Variants in CFAP299 observed in about 807,000 individuals in gnomAD.
The protein encoded by CFAP299 is cilia- and flagella-associated protein 299.
A neutral mutation model predicts 27.0 loss-of-function variants in CFAP299; 21 were observed. The observed-to-expected ratio is 0.78, with a 90% CI of 0.55 to 1.12. The LOEUF is 1.12. Among genes scored for constraint, CFAP299 ranks in the 50% most tolerant of loss-of-function variants. The pLI is 0.00. For synonymous variants in CFAP299, 104 were observed against 98.1 expected, an observed-to-expected ratio of 1.06 and a Z score of -0.36; for missense variants, 310 against 276.6, an observed-to-expected ratio of 1.12 and a Z score of -0.86.
chr4:80,894,086 G>A (rs752458093), intron 4 of CFAP299, among the ~76,000 whole-genome samples: 30 of 151,850 alleles, frequency 2.0e-4, no homozygotes, highest in South Asian at 4.2e-4. Context: ...AAAAGAAGAC[G>A]TACATATGGC....
chr4:80,466,524 GA>G (rs1729706572), intron 2 of CFAP299, among the ~76,000 whole-genome samples: 1 of 152,116 alleles, frequency 6.6e-6, no homozygotes, highest in Non-Finnish European at 1.5e-5. Context: ...CATTTAACCT[GA>G]GGGCTTAGTT....
chr4:80,568,204 AT>A (rs1243124796), intron 2 of CFAP299, among the ~76,000 whole-genome samples: 3 of 151,862 alleles, frequency 2.0e-5, no homozygotes, highest in African/African-American at 7.2e-5. Flanking sequence ...TATTTTATAT[AT>A]GTGTATGCTT....
chr4:80,411,919 G>T (rs1464527155), intron 2 of CFAP299, among the ~76,000 whole-genome samples: 1 of 151,746 alleles, frequency 6.6e-6, no homozygotes, highest in Non-Finnish European at 1.5e-5. Context: ...CATCATCTAC[G>T]GTGTATTCTG....
intron 3 of CFAP299, among the ~76,000 whole-genome samples, chr4:80,587,102 C>A (rs1736486492): frequency 6.6e-6 from 1 of 152,086 alleles, no homozygotes; most frequent in Non-Finnish European, 1.5e-5. Context: ...TTCCCTCCTT[C>A]CTATTTTCCA....
chr4:80,819,862 G>A (rs1729610806), intron 3 of CFAP299, among the ~76,000 whole-genome samples: 1 of 152,090 alleles, frequency 6.6e-6, no homozygotes, highest in South Asian at 2.1e-4. Flanking sequence ...ACTAGTCAAA[G>A]CCTCAGGAGC....
chr4:80,803,766 T>C (rs1728728582), intron 3 of CFAP299, among the ~76,000 whole-genome samples: 1 of 150,326 alleles, frequency 6.7e-6, no homozygotes, highest in South Asian at 2.1e-4. Context: ...ATCTATAAAA[T>C]ATTATATTTT....
chr4:80,924,499 G>A (rs10024230), intron 4 of CFAP299, among the ~76,000 whole-genome samples: 3,726 of 147,218 alleles, frequency 0.025, 74 homozygotes, highest in South Asian at 0.081. Flanking sequence ...ATACATAATC[G>A]TGTGACAATT....
At chr4:80,549,433 A>G (rs928782036) in intron 2 of CFAP299, among the ~76,000 whole-genome samples, 11 of 152,188 alleles carry the variant, frequency 7.2e-5, no homozygotes, top group African/African-American at 2.7e-4. Context: ...CACAACTTTT[A>G]AAAAGATATA....
chr4:80,322,917 TTC>T, the CFAP299 span, among the ~76,000 whole-genome samples: 1 of 152,178 alleles, frequency 6.6e-6, no homozygotes, highest in Non-Finnish European at 1.5e-5. Context: ...CTGGATCTTG[TTC>T]TCTGTCTGGG....
At chr4:80,630,408 A>T (rs1199591595) in intron 3 of CFAP299, among the ~76,000 whole-genome samples, 1 of 152,194 alleles carries the variant, frequency 6.6e-6, no homozygotes, top group African/African-American at 2.4e-5. Flanking sequence ...AATTCACATC[A>T]TGCTTTAAAT....
At chr4:80,919,074 G>A (rs1444967308) in intron 4 of CFAP299, among the ~76,000 whole-genome samples, 2 of 152,128 alleles carry the variant, frequency 1.3e-5, no homozygotes, top group Non-Finnish European at 2.9e-5. Context: ...AATCCAGGAA[G>A]TGTCTGTAGT....
At chr4:80,401,006 C>A (rs1182945372) in intron 2 of CFAP299, among the ~76,000 whole-genome samples, 1 of 152,038 alleles carries the variant, frequency 6.6e-6, no homozygotes, top group East Asian at 1.9e-4. Flanking sequence ...TTGCCCCTGC[C>A]CTAGACATTT....
rs767535479 is a variant in CFAP299 at position 80,762,352 on chromosome 4, A to T, written c.334-107641A>T. On this transcript the variant is annotated intron_variant, in intron 3 of 5. Coordinates refer to ENST00000358105, the MANE Select transcript of CFAP299 (RefSeq NM_152770.3). The stretch of plus-strand genomic sequence containing the variant: ...AGAAAGAAAGATACTAGAAATAAAT[A>T]GTATATTTCACATTTTGCCTCAGAC... 1.3e-5 allele frequency among the ~76,000 whole-genome samples: 2 copies of T among 152,118 alleles called. 1 individual carries two copies. Among genetic ancestry groups the T allele is most frequent in the Admixed American group, 1.3e-4 (2 of 15,264 alleles).
chr4:80,693,204 C>A (rs1293643221), intron 3 of CFAP299, among the ~76,000 whole-genome samples: 3 of 152,064 alleles, frequency 2.0e-5, no homozygotes, highest in Admixed American at 1.3e-4. Flanking sequence ...TGGGTATATA[C>A]CCAAAGGACT....
At chr4:80,694,703 TTAAA>T (rs1271701947) in intron 3 of CFAP299, among the ~76,000 whole-genome samples, 3 of 152,246 alleles carry the variant, frequency 2.0e-5, no homozygotes, top group Non-Finnish European at 4.4e-5. Flanking sequence ...TTAATTATCT[TTAAA>T]TGTCAATTGT....
chr4:80,353,377 A>C (rs1013263043), intron 1 of CFAP299, among the ~76,000 whole-genome samples: 56 of 152,202 alleles, frequency 3.7e-4, no homozygotes, highest in African/African-American at 1.4e-3. Context: ...GGGAGTGCAA[A>C]TTCTGAGAGT....
chr4:80,473,217 C>T (rs1560583220), intron 2 of CFAP299, among the ~76,000 whole-genome samples: 1 of 152,048 alleles, frequency 6.6e-6, no homozygotes, highest in South Asian at 2.1e-4. Context: ...GAGGGGGATA[C>T]AGCCAAGCTG....
At chr4:80,454,315 T>C (rs1408826301) in intron 2 of CFAP299, among the ~76,000 whole-genome samples, 1 of 152,102 alleles carries the variant, frequency 6.6e-6, no homozygotes. Flanking sequence ...GTCGCAACAA[T>C]CCTATGATTC....
chr4:80,536,937 A>G (rs1371622888), intron 2 of CFAP299, among the ~76,000 whole-genome samples: 1 of 152,112 alleles, frequency 6.6e-6, no homozygotes, highest in East Asian at 1.9e-4. Flanking sequence ...AATGGGAGAA[A>G]ATGGTTGCAA....
Sources: allele counts gnomAD v4.1 joint callset (sites outside exome capture counted in the v4.1 genomes callset), GRCh38; gene constraint gnomAD v4.1.1; transcripts MANE v1.5; gene names NCBI Gene and HGNC (gene_info 2026-07-23, HGNC 2026-07-21).